Variants in RALGAPA1 observed in about 807,000 individuals in gnomAD.
The protein encoded by RALGAPA1 is ral GTPase-activating protein subunit alpha-1.
Under a neutral mutation model 269.6 loss-of-function variants are expected in RALGAPA1, and 52 were observed. The observed-to-expected ratio is 0.19, with a 90% confidence interval of 0.15 to 0.24. The LOEUF (loss-of-function observed/expected upper bound fraction) is 0.24, where lower values mean the gene tolerates loss of function less well. RALGAPA1 is among the 10% of genes least tolerant of loss of function. The pLI is 1.00. For synonymous variants in RALGAPA1, 817 were observed against 1,008.3 expected (o/e 0.81, Z 3.60); for missense variants, 1,917 against 3,013.9 (o/e 0.64, Z 8.52).
chr14:35,737,364 T>C (rs907431692), intron 12 of RALGAPA1, among the ~76,000 whole-genome samples: 7 of 152,156 alleles, frequency 4.6e-5, no homozygotes, highest in Middle Eastern at 3.4e-3. Context: ...TGGGCGATAA[T>C]AGTAAAGTTA....
chr14:35,761,197 A>G (rs2073670150), intron 5 of RALGAPA1, among the ~76,000 whole-genome samples, 191 bp from the exon 6 acceptor site: 1 of 152,186 alleles, frequency 6.6e-6, no homozygotes, highest in East Asian at 1.9e-4. Flanking sequence ...AAATGCATGG[A>G]TTTTTAACAA....
At chr14:35,601,714 C>G (rs1224957489) in intron 36 of RALGAPA1, among the ~76,000 whole-genome samples, 2 of 152,134 alleles carry the variant, frequency 1.3e-5, no homozygotes, top group African/African-American at 4.8e-5. Flanking sequence ...CCTAAAGTCC[C>G]TAGTTATTCT....
At chr14:35,635,631 A>T in intron 31 of RALGAPA1, 33 bp from the exon 32 acceptor site, 1 of 1,489,224 alleles carries the variant, frequency 6.7e-7, no homozygotes, top group Non-Finnish European at 9.0e-7. Context: ...ATAATTGTAC[A>T]TTCATAAAAT....
chr14:35,647,236 A>G (rs573214118), intron 31 of RALGAPA1, among the ~76,000 whole-genome samples: 2 of 152,356 alleles, frequency 1.3e-5, no homozygotes, highest in East Asian at 3.9e-4. Flanking sequence ...AAAAATCACT[A>G]TATAAATGTT....
chr14:35,701,422 A>G (rs2067340666), intron 16 of RALGAPA1, among the ~76,000 whole-genome samples: 1 of 152,170 alleles, frequency 6.6e-6, no homozygotes. Flanking sequence ...CACAACTCAC[A>G]CAAGGCCTTT....
At chr14:35,788,699 C>T (rs992095761) in intron 1 of RALGAPA1, among the ~76,000 whole-genome samples, 4 of 152,178 alleles carry the variant, frequency 2.6e-5, no homozygotes, top group African/African-American at 9.7e-5. Context: ...GGAAGATTAT[C>T]TTATACCCTC....
At chr14:35,804,481 C>T (rs914686028) in intron 1 of RALGAPA1, among the ~76,000 whole-genome samples, 1 of 151,060 alleles carries the variant, frequency 6.6e-6, no homozygotes, top group Non-Finnish European at 1.5e-5. Context: ...AGGCAGGAGA[C>T]TTGCTTGAAC....
intron 38 of RALGAPA1, among the ~76,000 whole-genome samples, chr14:35,571,065 T>C (rs1439349140): frequency 6.6e-6 from 1 of 152,220 alleles, no homozygotes; most frequent in Non-Finnish European, 1.5e-5. Flanking sequence ...GTAAATTTCC[T>C]TTTCTCCATT....
intron 1 of RALGAPA1, among the ~76,000 whole-genome samples, chr14:35,803,635 CTTT>C (rs202191951): frequency 2.1e-5 from 3 of 140,550 alleles, no homozygotes; most frequent in African/African-American, 2.6e-5. Context: ...ATATAAAGAA[CTTT>C]TTTTTTTTTT....
At chr14:35,793,766 G>A (rs1490637899) in intron 1 of RALGAPA1, among the ~76,000 whole-genome samples, 1 of 152,148 alleles carries the variant, frequency 6.6e-6, no homozygotes, top group Non-Finnish European at 1.5e-5. Flanking sequence ...ATGCCTTATG[G>A]CTGTAATCAG....
At chr14:35,731,337 C>T (rs2070459838) in intron 12 of RALGAPA1, among the ~76,000 whole-genome samples, 2 of 152,062 alleles carry the variant, frequency 1.3e-5, no homozygotes, top group African/African-American at 2.4e-5. Flanking sequence ...CTTTAACACC[C>T]CCAAGAATCA....
chr14:35,556,630 C>T (rs2055631069), intron 39 of RALGAPA1, among the ~76,000 whole-genome samples: 1 of 152,088 alleles, frequency 6.6e-6, no homozygotes. Flanking sequence ...CTATCTACAC[C>T]ATGAAGGAAA....
chr14:35,595,868 T>A, intron 36 of RALGAPA1, 79 bp from the exon 37 acceptor site: 1 of 1,210,152 alleles, frequency 8.3e-7, no homozygotes, highest in Non-Finnish European at 1.1e-6. Context: ...ACTTCTTGCT[T>A]AAGAAAAAAA....
At chr14:35,635,654 A>C (rs2139748916) in intron 31 of RALGAPA1, 56 bp from the exon 32 acceptor site, 2 of 1,403,824 alleles carry the variant, frequency 1.4e-6, no homozygotes, top group East Asian at 2.7e-5. Context: ...ATGCTTCTTA[A>C]AAATTCATTT....
intron 12 of RALGAPA1, among the ~76,000 whole-genome samples, chr14:35,731,967 T>C (rs540766807): frequency 9.2e-5 from 14 of 152,228 alleles, no homozygotes; most frequent in African/African-American, 3.4e-4. Flanking sequence ...AAGGAAAGAC[T>C]CTTAAGAACT....
At chr14:35,591,766 C>T (rs147111789) in intron 37 of RALGAPA1, among the ~76,000 whole-genome samples, 144 of 152,278 alleles carry the variant, frequency 9.5e-4, no homozygotes, top group Non-Finnish European at 1.9e-3. Context: ...TACAGTTTGG[C>T]TCTGTGTCTC....
At chr14:35,748,163 G>A (rs947074093) in intron 10 of RALGAPA1, among the ~76,000 whole-genome samples, 1 of 151,660 alleles carries the variant, frequency 6.6e-6, no homozygotes, top group African/African-American at 2.4e-5. Context: ...TAATTATTAC[G>A]CTAAAAGTAT....
At chr14:35,575,751 C>T (rs748520544) in intron 37 of RALGAPA1, among the ~76,000 whole-genome samples, 7 of 152,054 alleles carry the variant, frequency 4.6e-5, no homozygotes, top group Admixed American at 1.3e-4. Flanking sequence ...CCCACCCCCA[C>T]GCCCAGCTAA....
intron 4 of RALGAPA1, chr14:35,766,965 A>G (rs1018424925): frequency 1.6e-5 from 6 of 386,536 alleles, no homozygotes; most frequent in Non-Finnish European, 2.5e-5. Context: ...TTTACTGGAC[A>G]TGCATTTTGT....
Sources: gnomAD v4.1 joint callset for allele counts (sites outside exome capture counted in the v4.1 genomes callset) on GRCh38, gnomAD v4.1.1 for gene constraint, MANE v1.5 for transcripts, NCBI Gene and HGNC (gene_info 2026-07-23, HGNC 2026-07-21) for gene names.